The following GCLC variants were observed in gnomAD, a reference collection of about 807,000 sequenced individuals.
GCLC encodes the protein glutamate--cysteine ligase catalytic subunit.
GCLC carries 30 observed loss-of-function variants against 81.5 expected under a neutral mutation model. That is an observed-to-expected ratio of 0.37 (90% CI 0.28 to 0.50). GCLC has a LOEUF of 0.50. Ranked by LOEUF, GCLC falls within the 20% of genes least tolerant of loss-of-function variation. The pLI, the probability that GCLC is intolerant of heterozygous loss-of-function variation, is 0.96. For missense variants in GCLC, 556 were observed against 777.4 expected, an observed-to-expected ratio of 0.72 and a Z score of 3.39; for synonymous variants, 262 against 273.3, an observed-to-expected ratio of 0.96 and a Z score of 0.41.
chr6:53,529,288 T>C (rs1395537910), intron 1 of GCLC, among the ~76,000 whole-genome samples: 1 of 152,198 alleles, frequency 6.6e-6, no homozygotes, highest in African/African-American at 2.4e-5. Flanking sequence ...CACGGATGCA[T>C]GAGACATTTT....
At chr6:53,538,917 A>G (rs1313562585) in intron 1 of GCLC, among the ~76,000 whole-genome samples, 1 of 152,224 alleles carries the variant, frequency 6.6e-6, no homozygotes, top group Non-Finnish European at 1.5e-5. Flanking sequence ...AAGAAATTCA[A>G]TGAAATTTAT....
chr6:53,538,408 G>A (rs757562594), intron 1 of GCLC, among the ~76,000 whole-genome samples: 4 of 150,612 alleles, frequency 2.7e-5, no homozygotes, highest in African/African-American at 7.3e-5. Context: ...CTCACTGCAA[G>A]ATCCGCCTCC....
intron 12 of GCLC, 196 bp from the exon 13 acceptor site, chr6:53,500,709 T>C (rs1561937338): frequency 3.3e-6 from 2 of 606,492 alleles, no homozygotes; most frequent in Non-Finnish European, 5.9e-6. Context: ...TGGTATGTGA[T>C]TTTTCAACCA....
Position 53,507,605 on chromosome 6 carries a change from T to C in GCLC, c.959A>G (p.Asn320Ser), listed in dbSNP as rs1764641587. ...TCGGGATTTACTGATCCTATAGTTA[T>C]TGTTCTTCAATGGCTAAAGATTAAA... is the stretch of plus-strand genomic sequence containing the variant. ...EERGLEPLKN[N>S]NYRISKSRYD... The change falls in exon 9 of 16, where the codon AAT (asparagine) becomes AGT (serine). Residue 320 changes from asparagine (N) to serine (S), a missense_variant. Transcript: ENST00000650454. 1.3e-6 allele frequency: 2 copies of C among 1,508,576 alleles called. No homozygotes were observed. The highest frequency in any genetic ancestry group is 1.1e-5 in the South Asian group (1 of 88,322). The allele number at this position is 1,508,576 out of a possible 1,614,324, so 93.4% of individuals were successfully genotyped here.
intron 14 of GCLC, 35 bp from the exon 15 acceptor site, chr6:53,500,200 C>G (rs772317155): frequency 6.2e-7 from 1 of 1,613,668 alleles, no homozygotes; most frequent in Admixed American, 1.7e-5. Flanking sequence ...AACTCCCTGC[C>G]GGGGGATGTG....
At chr6:53,513,324 C>T (rs980979492) in intron 6 of GCLC, 1 of 152,188 alleles carries the variant, frequency 6.6e-6, no homozygotes, top group South Asian at 2.1e-4. Context: ...CCTCTAAGGA[C>T]GCTGTTTTGA....
intron 1 of GCLC, among the ~76,000 whole-genome samples, chr6:53,539,752 G>C (rs1044065797): frequency 6.6e-6 from 1 of 152,004 alleles, no homozygotes; most frequent in Non-Finnish European, 1.5e-5. Context: ...TCATCTCCAC[G>C]TGGCACACCA....
At chr6:53,520,143 T>G (rs565393813) in intron 3 of GCLC, among the ~76,000 whole-genome samples, 111 of 152,358 alleles carry the variant, frequency 7.3e-4, no homozygotes, top group African/African-American at 2.5e-3. Context: ...ATGATATTCA[T>G]GTACCTCATT....
At position 53,509,126 on chromosome 6, in the gene GCLC, T is replaced by C. The variant is rs777446248; in HGVS notation, c.828+50A>G. ...CTGTCAGTAAATTCTGCACATGCTATCTTATTTCATACGAAGTAGTATTTA... is the reference window on the plus strand; with the variant it reads ...CTGTCAGTAAATTCTGCACATGCTACCTTATTTCATACGAAGTAGTATTTA... On this transcript the variant is annotated intron_variant, in intron 7 of 15. Transcript: ENST00000650454. The C allele has an allele frequency of 7.1e-6, 8 of 1,127,758 alleles. No individual in the cohort carries two copies. The Admixed American group carries it at 1.3e-4, about 19-fold the overall frequency. The allele number at this position is 1,127,758 out of a possible 1,614,324, so 69.9% of individuals were successfully genotyped here.
Position 53,509,166 on chromosome 6 carries a change from T to G in GCLC, c.828+10A>C. The G allele has an allele frequency of 6.7e-7, 1 of 1,482,974 alleles. No homozygotes were observed. Among genetic ancestry groups the G allele is most frequent in the Non-Finnish European group, 9.4e-7 (1 of 1,060,192 alleles). 91.9% of individuals were successfully genotyped at this position (1,482,974 alleles called of 1,614,324 possible). On this transcript the variant is annotated intron_variant, in intron 7 of 15. Coordinates refer to ENST00000650454, the MANE Select transcript of GCLC (RefSeq NM_001498.4). ...AGTAGTATTTAAAATAAGAGGTAAT[T>G]TCTACTTACAACAATTGGACAGATA...
intron 6 of GCLC, chr6:53,509,614 G>T: frequency 3.0e-6 from 1 of 334,628 alleles, no homozygotes; most frequent in African/African-American, 2.1e-5. Context: ...GGATGCAAAA[G>T]GGATTTGGAC....
At chr6:53,519,735 T>A (rs1288384039) in intron 3 of GCLC, among the ~76,000 whole-genome samples, 2 of 152,030 alleles carry the variant, frequency 1.3e-5, no homozygotes, top group Non-Finnish European at 2.9e-5. Flanking sequence ...CCCAGCTGGG[T>A]TTTTCCTTCT....
In GCLC at chr6:53,544,861, G is replaced by A. The variant is rs534415081; in HGVS notation, c.-216C>T. 51 of 411,422 alleles carry A rather than the reference G, an allele frequency of 1.2e-4. No individual in the cohort carries two copies. In the East Asian group the frequency reaches 2.1e-3, roughly 17 times the overall value. 25.5% of individuals were successfully genotyped at this position (411,422 alleles called of 1,614,324 possible). ...TGACAGACCCTGGGTCCGACGCACCGCGCGGAGGCGAAGGCAGAAGACCGA... is the reference window on the plus strand; with the variant it reads ...TGACAGACCCTGGGTCCGACGCACCACGCGGAGGCGAAGGCAGAAGACCGA... On this transcript the variant is annotated 5_prime_UTR_variant, in exon 1 of 16. Coordinates refer to ENST00000650454, the MANE Select transcript of GCLC (RefSeq NM_001498.4).
chr6:53,512,765 T>C (rs1344547190), intron 6 of GCLC, among the ~76,000 whole-genome samples: 5 of 152,240 alleles, frequency 3.3e-5, no homozygotes, highest in Non-Finnish European at 5.9e-5. Context: ...ATACATACAG[T>C]GTTTCAGTGG....
intron 6 of GCLC, chr6:53,509,635 T>C (rs1764695206): frequency 7.5e-6 from 2 of 265,732 alleles, no homozygotes; most frequent in Non-Finnish European, 1.4e-5. Flanking sequence ...ATGTTAACTA[T>C]TGTTTTCTTT....
In GCLC at chr6:53,507,610, C is replaced by A. The variant is rs1764641787; in HGVS notation, c.954G>T (p.Lys318Asn). 2 of 1,453,082 alleles carry A rather than the reference C, an allele frequency of 1.4e-6. No individual in the cohort carries two copies. The highest frequency in any genetic ancestry group is 1.4e-5 in the African/African-American group (1 of 71,736). 90.0% of individuals were successfully genotyped at this position (1,453,082 alleles called of 1,614,324 possible). The stretch of plus-strand genomic sequence containing the variant: ...ATTTACTGATCCTATAGTTATTGTT[C>A]TTCAATGGCTAAAGATTAAAAATAT... ...TREERGLEPL[K>N]NNNYRISKSR... Residue 318 changes from lysine (K) to asparagine (N), a missense_variant, in exon 9 of 16, where the codon AAG (lysine) becomes AAT (asparagine). This residue lies in a region of GCLC where 313 missense variants were observed against 437.3 expected (regional missense o/e 0.72). Coordinates refer to ENST00000650454, the MANE Select transcript of GCLC (RefSeq NM_001498.4).
At chr6:53,537,346 G>C (rs1297367924) in intron 1 of GCLC, among the ~76,000 whole-genome samples, 1 of 152,230 alleles carries the variant, frequency 6.6e-6, no homozygotes, top group Non-Finnish European at 1.5e-5. Flanking sequence ...AAGATAGAGA[G>C]ATGCGACAAC....
rs71546114 is a variant in GCLC at position 53,517,079 on chromosome 6, A to ATT, written c.447-859_447-858dup. On this transcript the variant is annotated intron_variant, in intron 3 of 15. Coordinates refer to ENST00000650454, the MANE Select transcript of GCLC (RefSeq NM_001498.4). The stretch of plus-strand genomic sequence containing the variant: ...ACTAGCTCATATCTTTTAAAAAAAA[A>ATT]TTTTTTTTTTTTTTTTTTTTTTTCT... Among the ~76,000 whole-genome samples, 323 of 104,408 alleles carry ATT rather than the reference A, an allele frequency of 3.1e-3. 8 individuals carry two copies. The highest frequency in any genetic ancestry group is 0.011 in the African/African-American group (279 of 25,420). The allele number at this position is 104,408 out of a possible 152,430, so 68.5% of individuals were successfully genotyped here. A position where few individuals can be genotyped will look rare whatever the true frequency, so the allele number is the denominator to read the frequency against.
In GCLC at chr6:53,506,063, G is replaced by A. The variant is rs1764608785; in HGVS notation, c.1198-168C>T. On this transcript the variant is annotated intron_variant, in intron 10 of 15. Coordinates refer to ENST00000650454, the MANE Select transcript of GCLC (RefSeq NM_001498.4). The surrounding 1 kb of genome is among the most constrained non-coding windows in gnomAD (Gnocchi z 4.0). The stretch of plus-strand genomic sequence containing the variant: ...GATTTTCTTCGAGTGTGCTCTTTTA[G>A]GAAAACAAAACAGCCAAGTGTTTAA... 1 of 631,870 alleles carries A rather than the reference G, an allele frequency of 1.6e-6. No homozygotes were observed. Among genetic ancestry groups the A allele is most frequent in the Non-Finnish European group, 2.9e-6 (1 of 346,248 alleles). 39.1% of individuals were successfully genotyped at this position (631,870 alleles called of 1,614,324 possible). A position where few individuals can be genotyped will look rare whatever the true frequency, so the allele number is the denominator to read the frequency against.
Sources: gnomAD v4.1 joint callset for allele counts (sites outside exome capture counted in the v4.1 genomes callset) on GRCh38, gnomAD v4.1.1 for gene constraint, gnomAD v4.1.1 regional missense constraint, Gnocchi (gnomAD v3.1) non-coding constraint, MANE v1.5 for transcripts, NCBI Gene and HGNC (gene_info 2026-07-23, HGNC 2026-07-21) for gene names.